SLC27A2: variants seen among roughly 807,000 people sequenced by gnomAD.
SLC27A2 encodes the protein long-chain fatty acid transport protein 2.
SLC27A2 carries 54 observed loss-of-function variants against 60.0 expected under a neutral mutation model. The observed-to-expected ratio is 0.90, with a 90% confidence interval of 0.72 to 1.13. The LOEUF is 1.13. Ranked by LOEUF, SLC27A2 falls within the 50% of genes most tolerant of loss-of-function variation. SLC27A2 has a pLI of 0.00. For synonymous variants in SLC27A2, 297 were observed against 297.6 expected (o/e 1.00, Z 0.02); for missense variants, 739 against 777.6 (o/e 0.95, Z 0.59).
intron 5 of SLC27A2, 39 bp from the exon 6 acceptor site, chr15:50,225,949 A>G (rs8043431): frequency 0.15 from 209,539 of 1,360,442 alleles, 16,994 homozygotes; most frequent in Middle Eastern, 0.17. Flanking sequence ...GGGAAAAATT[A>G]TAAAAGATTT....
chr15:50,231,100 G>A, intron 8 of SLC27A2, among the ~76,000 whole-genome samples: 1 of 151,028 alleles, frequency 6.6e-6, no homozygotes, highest in East Asian at 2.0e-4. Flanking sequence ...GGTAATGATA[G>A]TACAACATTG....
chr15:50,197,654 G>T lies in SLC27A2; in HGVS notation c.633G>T (p.Arg211Ser), dbSNP rs376544104. The part of the protein sequence containing the change: ...VSTEPIPESW[R>S]SEVTFSTPAL... ...CTGAACCTATCCCAGAGTCATGGAG[G>T]TCTGAAGTCACTTTTTCCACTCCTG... Residue 211 changes from arginine (R) to serine (S), a missense_variant, in exon 2 of 10, where the codon AGG becomes AGT. By Grantham distance (110) the Arg-to-Ser change is moderately radical (BLOSUM62 -1). Coordinates refer to ENST00000267842, the MANE Select transcript of SLC27A2 (RefSeq NM_003645.4). 12 of 1,613,936 alleles carry T rather than the reference G, an allele frequency of 7.4e-6. No individual in the cohort carries two copies. Among genetic ancestry groups the T allele is most frequent in the Middle Eastern group, 3.3e-4 (2 of 6,082 alleles).
At chr15:50,213,095 A>G (rs2045169965) in intron 4 of SLC27A2, among the ~76,000 whole-genome samples, 1 of 152,212 alleles carries the variant, frequency 6.6e-6, no homozygotes, top group Non-Finnish European at 1.5e-5. Context: ...AACTTAAAGT[A>G]AACAGGTAGA....
In SLC27A2 at chr15:50,227,134, T is replaced by G. The variant is rs2045284362; in HGVS notation, c.1413T>G (p.His471Gln). The stretch of plus-strand genomic sequence containing the variant: ...GTGGAGATCTCTTAATGGTTGACCA[T>G]GAAAATTTCATCTATTTCCACGACA... ...FNSGDLLMVD[H>Q]ENFIYFHDRV... The change falls in exon 7 of 10, where the codon CAT (histidine) becomes CAG (glutamine). Residue 471 changes from histidine (H) to glutamine (Q), a missense_variant. Physicochemically the swap from His to Gln is conservative, Grantham distance 24. Transcript: ENST00000267842. The G allele has an allele frequency of 6.2e-7, 1 of 1,613,504 alleles. No homozygotes were observed. Among genetic ancestry groups the G allele is most frequent in the East Asian group, 2.2e-5 (1 of 44,846 alleles).
chr15:50,232,227 A>G (rs998285414), intron 8 of SLC27A2, among the ~76,000 whole-genome samples: 1 of 152,196 alleles, frequency 6.6e-6, no homozygotes, highest in African/African-American at 2.4e-5. Flanking sequence ...TTGGGCCTGG[A>G]GAGGAGTTCA....
At chr15:50,189,608 A>G (rs930163519) in intron 1 of SLC27A2, among the ~76,000 whole-genome samples, 7 of 152,258 alleles carry the variant, frequency 4.6e-5, no homozygotes, top group African/African-American at 1.7e-4. Flanking sequence ...TTGCTGGCAT[A>G]TATGGGAATG....
intron 7 of SLC27A2, among the ~76,000 whole-genome samples, chr15:50,227,839 G>A (rs1050849745): frequency 6.6e-6 from 1 of 152,300 alleles, no homozygotes; most frequent in Non-Finnish European, 1.5e-5. Flanking sequence ...ATGAGGAAGG[G>A]ATGGAAGTTG....
chr15:50,203,902 T>G (rs2045086535), intron 3 of SLC27A2, among the ~76,000 whole-genome samples: 1 of 151,832 alleles, frequency 6.6e-6, no homozygotes, highest in South Asian at 2.1e-4. Context: ...CCAGGAAAAA[T>G]GCCCTCACCA....
intron 2 of SLC27A2, among the ~76,000 whole-genome samples, chr15:50,200,388 G>A (rs2045054680): frequency 2.0e-5 from 3 of 151,712 alleles, no homozygotes; most frequent in South Asian, 4.2e-4. Context: ...CTACACTCCA[G>A]CCTGGCAACA....
Position 50,197,664 on chromosome 15 carries a change from A to T in SLC27A2, c.643A>T (p.Thr215Ser). 2 of 1,614,074 alleles carry T rather than the reference A, an allele frequency of 1.2e-6. No individual in the cohort carries two copies. The highest frequency in any genetic ancestry group is 2.2e-5 in the South Asian group (2 of 91,070). Residue 215 changes from threonine to serine, a missense_variant, in exon 2 of 10, where the codon ACT becomes TCT. Thr to Ser is a moderately conservative substitution (Grantham distance 58). Coordinates refer to ENST00000267842, the MANE Select transcript of SLC27A2 (RefSeq NM_003645.4). The stretch of plus-strand genomic sequence containing the variant: ...CCCAGAGTCATGGAGGTCTGAAGTC[A>T]CTTTTTCCACTCCTGCCTTATACAT... ...PIPESWRSEV[T>S]FSTPALYIYT...
chr15:50,206,996 A>T (rs1006513600), intron 4 of SLC27A2, among the ~76,000 whole-genome samples: 1 of 152,178 alleles, frequency 6.6e-6, no homozygotes, highest in Non-Finnish European at 1.5e-5. Flanking sequence ...TTTCACATTA[A>T]TATTCCACGT....
At chr15:50,210,890 T>C (rs931736137) in intron 4 of SLC27A2, among the ~76,000 whole-genome samples, 1 of 152,096 alleles carries the variant, frequency 6.6e-6, no homozygotes, top group African/African-American at 2.4e-5. Context: ...ACAACCTGCA[T>C]GACTCAGCAG....
chr15:50,195,318 A>C (rs1270689938), intron 1 of SLC27A2, among the ~76,000 whole-genome samples: 1 of 150,306 alleles, frequency 6.7e-6, no homozygotes, highest in Non-Finnish European at 1.5e-5. Flanking sequence ...TATGAAAAAA[A>C]AAAAAAAAAC....
rs368608396 is a variant in SLC27A2 at position 50,204,586 on chromosome 15, T to A, written c.848-653T>A. ...TTCTCTACTAAAAATACAAAAAATT[T>A]GCCAGGTGTGGTGGCACGCGCCTGT... On this transcript the variant is annotated intron_variant, in intron 3 of 9. Transcript: ENST00000267842. 8.7e-3 allele frequency among the ~76,000 whole-genome samples: 1,314 copies of A among 151,140 alleles called. 11 individuals carry two copies. Among genetic ancestry groups the A allele is most frequent in the Admixed American group, 0.021 (311 of 15,148 alleles).
intron 1 of SLC27A2, among the ~76,000 whole-genome samples, chr15:50,195,058 A>G (rs28589332): frequency 0.035 from 5,339 of 152,244 alleles, 121 homozygotes; most frequent in African/African-American, 0.065. Context: ...AACTGTCAGA[A>G]ATGAACAGGG....
chr15:50,228,376 CAA>C lies in SLC27A2; in HGVS notation c.1458-547_1458-546del, dbSNP rs71124333. On this transcript the variant is annotated intron_variant, in intron 7 of 9. Transcript: ENST00000267842. Reference sequence around the variant, plus strand: ...TAAGTGATAGAATGAGACTCTGCCTCAAAAAAAAAAAAAAAAAAAAAAAGAAT... The same window carrying C: ...TAAGTGATAGAATGAGACTCTGCCTCAAAAAAAAAAAAAAAAAAAAAGAAT... Among the ~76,000 whole-genome samples the C allele has an allele frequency of 8.8e-3, 682 of 77,218 alleles. 1 individual carries two copies. The highest frequency in any genetic ancestry group is 0.036 in the African/African-American group (647 of 18,078). 50.7% of individuals were successfully genotyped at this position (77,218 alleles called of 152,430 possible).
intron 1 of SLC27A2, 50 bp downstream of exon 1, chr15:50,182,955 T>A: frequency 2.0e-6 from 3 of 1,535,746 alleles, no homozygotes; most frequent in Non-Finnish European, 2.6e-6. Context: ...CTCGGCGCCT[T>A]GACTGACGAG....
chr15:50,199,489 A>AG (rs1756795856), intron 2 of SLC27A2, among the ~76,000 whole-genome samples: 1 of 151,698 alleles, frequency 6.6e-6, no homozygotes, highest in Admixed American at 6.6e-5. Context: ...AAAAAAAAAA[A>AG]AAAGAAAGAA....
In SLC27A2 at chr15:50,205,276, C is replaced by G. The variant is rs2045102770; in HGVS notation, c.885C>G (p.Ser295Arg). 6.2e-7 allele frequency: 1 copy of G among 1,606,656 alleles called. No homozygotes were observed. The highest frequency in any genetic ancestry group is 1.3e-5 in the African/African-American group (1 of 74,778). ...TLALRTKFSA[S>R]QFWDDCRKYN... Reference sequence around the variant, plus strand: ...CCTTGCGGACTAAATTTTCAGCCAGCCAGTTTTGGGATGACTGCAGAAAAT... The same window carrying G: ...CCTTGCGGACTAAATTTTCAGCCAGGCAGTTTTGGGATGACTGCAGAAAAT... The change falls in exon 4 of 10, where the codon AGC (serine) becomes AGG (arginine). Residue 295 changes from serine (S) to arginine (R), a missense_variant. Ser to Arg is a moderately radical substitution (Grantham distance 110, BLOSUM62 -1). Coordinates refer to ENST00000267842, the MANE Select transcript of SLC27A2 (RefSeq NM_003645.4).
Sources: gnomAD v4.1 joint callset for allele counts (sites outside exome capture counted in the v4.1 genomes callset) on GRCh38, gnomAD v4.1.1 for gene constraint, MANE v1.5 for transcripts, NCBI Gene and HGNC (gene_info 2026-07-23, HGNC 2026-07-21) for gene names.